ANO1: variants seen among roughly 807,000 people sequenced by gnomAD.
The protein encoded by ANO1 is anoctamin 1, also known as anoctamin-1.
In ANO1, 59 loss-of-function variants were observed where a neutral mutation model predicts 124.0. That is an observed-to-expected ratio of 0.48 (90% CI 0.39 to 0.59). The LOEUF (loss-of-function observed/expected upper bound fraction) is 0.59, where lower values mean the gene tolerates loss of function less well. Among genes scored for constraint, ANO1 ranks in the 20% least tolerant of loss-of-function variants. ANO1 has a pLI of 0.00. For synonymous variants in ANO1, 529 were observed against 532.0 expected (o/e 0.99, Z 0.08); for missense variants, 1,059 against 1,328.0 (o/e 0.80, Z 3.15).
chr11:70,175,510 C>T (rs1430682599), intron 22 of ANO1, among the ~76,000 whole-genome samples: 1 of 152,232 alleles, frequency 6.6e-6, no homozygotes, highest in Non-Finnish European at 1.5e-5. Context: ...AGCGCAGGTG[C>T]CTTGATCACC....
intron 1 of ANO1, among the ~76,000 whole-genome samples, chr11:70,028,990 C>T (rs1337653438): frequency 6.6e-6 from 1 of 152,158 alleles, no homozygotes; most frequent in East Asian, 1.9e-4. Flanking sequence ...CCATGTTGGC[C>T]AGGCTGCTCT....
the ANO1 span, among the ~76,000 whole-genome samples, chr11:69,972,667 C>T: frequency 2.0e-5 from 3 of 152,092 alleles, no homozygotes; most frequent in African/African-American, 4.8e-5. Flanking sequence ...TGCCTGGAGA[C>T]GTAGTTCACA....
At chr11:70,013,915 C>T (rs746043176) in intron 1 of ANO1, among the ~76,000 whole-genome samples, 2 of 152,056 alleles carry the variant, frequency 1.3e-5, no homozygotes, top group African/African-American at 4.8e-5. Flanking sequence ...GCTGCCAAGC[C>T]TGGTTCCTGC....
intron 3 of ANO1, 150 bp from the exon 4 acceptor site, chr11:70,103,849 G>C (rs1221117130): frequency 2.7e-6 from 2 of 751,670 alleles, no homozygotes; most frequent in Non-Finnish European, 4.1e-6. Flanking sequence ...GGGCGGGGTG[G>C]GGCGGTGCAT....
At chr11:70,111,412 G>A (rs1050508273) in intron 6 of ANO1, among the ~76,000 whole-genome samples, 3 of 152,176 alleles carry the variant, frequency 2.0e-5, no homozygotes, top group Non-Finnish European at 4.4e-5. Flanking sequence ...GCCATGGTCC[G>A]CTCACACCGC....
chr11:70,002,473 A>AAAAAAAAAAAAAAAC (rs1459201747), intron 1 of ANO1, among the ~76,000 whole-genome samples: 1 of 151,436 alleles, frequency 6.6e-6, no homozygotes, highest in African/African-American at 2.4e-5. Flanking sequence ...AAAAAAAAAA[A>AAAAAAAAAAAAAAAC]AAAACACCAA....
chr11:70,179,386 G>C (rs978017060), intron 22 of ANO1, among the ~76,000 whole-genome samples: 3 of 152,242 alleles, frequency 2.0e-5, no homozygotes, highest in Non-Finnish European at 4.4e-5. Flanking sequence ...GGCCCTGCTA[G>C]TTCTCATGGC....
intron 11 of ANO1, among the ~76,000 whole-genome samples, chr11:70,149,104 C>T (rs963970617): frequency 1.3e-5 from 2 of 152,160 alleles, no homozygotes; most frequent in Non-Finnish European, 2.9e-5. Flanking sequence ...TCCTGACCTC[C>T]GAACCGGGGC....
At chr11:70,099,453 G>A (rs2045169286) in intron 2 of ANO1, among the ~76,000 whole-genome samples, 1 of 152,178 alleles carries the variant, frequency 6.6e-6, no homozygotes, top group South Asian at 2.1e-4. Context: ...TGGACTCAGA[G>A]GAATATATTT....
chr11:70,087,860 C>T lies in ANO1; in HGVS notation c.217C>T (p.Pro73Ser). 1 of 1,612,778 alleles carries T rather than the reference C, an allele frequency of 6.2e-7. No individual in the cohort carries two copies. Among genetic ancestry groups the T allele is most frequent in the South Asian group, 1.1e-5 (1 of 90,880 alleles). The change falls in exon 2 of 26, where the codon CCC (proline) becomes TCC (serine). Residue 73 changes from proline to serine, a missense_variant. Physicochemically the swap from Pro to Ser is moderately conservative, Grantham distance 74. This residue lies in a region of ANO1 where 250 missense variants were observed against 233.1 expected (regional missense o/e 1.07). Transcript: ENST00000355303. Reference sequence around the variant, plus strand: ...CATCCTGGTGTACCATCACAAGAGGCCCTCGGGCAACCGGACCCTGGTCAG... The same window carrying T: ...CATCCTGGTGTACCATCACAAGAGGTCCTCGGGCAACCGGACCCTGGTCAG... The part of the protein sequence containing the change: ...DYILVYHHKR[P>S]SGNRTLVRRV...
chr11:70,176,003 G>C (rs1391570590), intron 22 of ANO1, among the ~76,000 whole-genome samples: 1 of 152,182 alleles, frequency 6.6e-6, no homozygotes, highest in South Asian at 2.1e-4. Flanking sequence ...GAGGTCCTGA[G>C]AACATGGGCC....
At chr11:70,169,252 C>A (rs2048366332) in intron 21 of ANO1, among the ~76,000 whole-genome samples, 1 of 152,124 alleles carries the variant, frequency 6.6e-6, no homozygotes, top group East Asian at 1.9e-4. Context: ...ACTTCTGGAG[C>A]AGGCGCCTCC....
At chr11:70,183,831 C>T (rs1396991715) in intron 24 of ANO1, among the ~76,000 whole-genome samples, 1 of 152,220 alleles carries the variant, frequency 6.6e-6, no homozygotes, top group African/African-American at 2.4e-5. Context: ...ATCTGTTGTG[C>T]ACCGCCCCCC....
At chr11:70,052,531 C>CTTTTTTTTCTTTTTTTTTTTTTTT (rs1857365075) in intron 1 of ANO1, among the ~76,000 whole-genome samples, 1 of 65,932 alleles carries the variant, frequency 1.5e-5, no homozygotes, top group African/African-American at 5.6e-5. Flanking sequence ...TTTTTCTTTT[C>CTTTTTTTTCTTTTTTTTTTTTTTT]TTTTTTTTTT....
At chr11:70,095,902 C>T (rs565584453) in intron 2 of ANO1, among the ~76,000 whole-genome samples, 2 of 152,222 alleles carry the variant, frequency 1.3e-5, no homozygotes, top group African/African-American at 4.8e-5. Context: ...CTATTTGGTT[C>T]TTTTCCAAGT....
chr11:70,012,512 A>ATCCATCCATCCATCCATTTT (rs1856616876), intron 1 of ANO1, among the ~76,000 whole-genome samples: 3 of 145,278 alleles, frequency 2.1e-5, no homozygotes, highest in Non-Finnish European at 3.0e-5. Flanking sequence ...CCATTCTTTC[A>ATCCATCCATCCATCCATTTT]TCCATCCATC....
chr11:70,105,547 C>CG (rs1555022222), intron 4 of ANO1, among the ~76,000 whole-genome samples, 187 bp from the exon 5 acceptor site: 4 of 152,136 alleles, frequency 2.6e-5, no homozygotes, highest in Non-Finnish European at 2.9e-5. Context: ...CGCCCAGGTG[C>CG]GGGGGCAGTG....
intron 1 of ANO1, chr11:70,015,018 T>C (rs1426042697): frequency 2.0e-5 from 3 of 152,062 alleles, no homozygotes; most frequent in Non-Finnish European, 4.4e-5. Flanking sequence ...TGGCCAGGTC[T>C]AGGGTGGAGG....
intron 1 of ANO1, among the ~76,000 whole-genome samples, chr11:70,055,097 T>C (rs1378208495): frequency 2.6e-5 from 4 of 152,222 alleles, no homozygotes; most frequent in African/African-American, 9.6e-5. Context: ...TTTACTTGTT[T>C]CTGTTGTTAT....
Sources: allele counts gnomAD v4.1 joint callset (sites outside exome capture counted in the v4.1 genomes callset), GRCh38; gene constraint gnomAD v4.1.1; regional missense constraint gnomAD v4.1.1; transcripts MANE v1.5; gene names NCBI Gene and HGNC (gene_info 2026-07-23, HGNC 2026-07-21).